ATF3: variants seen among roughly 807,000 people sequenced by gnomAD.
ATF3 encodes activating transcription factor 3, also known as cyclic AMP-dependent transcription factor ATF-3.
A neutral mutation model predicts 18.4 loss-of-function variants in ATF3; 10 were observed. The observed-to-expected ratio is 0.54, with a 90% confidence interval of 0.34 to 0.92. The LOEUF is 0.92. Among genes scored for constraint, ATF3 ranks in the 40% least tolerant of loss-of-function variants. ATF3 has a pLI of 0.02. For missense variants in ATF3, 183 were observed against 222.3 expected (o/e 0.82, Z 1.12); for synonymous variants, 78 against 87.9 (o/e 0.89, Z 0.63).
At chr1:212,615,367 C>A in intron 2 of ATF3, 106 bp downstream of exon 2, 2 of 1,386,576 alleles carry the variant, frequency 1.4e-6, no homozygotes, top group African/African-American at 1.4e-5. Context: ...GTGAAACAAA[C>A]AAAACCACTG....
chr1:212,606,161 T>C (rs981976926), upstream of ATF3, among the ~76,000 whole-genome samples: 1 of 152,194 alleles, frequency 6.6e-6, no homozygotes, highest in South Asian at 2.1e-4. Flanking sequence ...TCTGTTCTTT[T>C]CCAGTCTCTC....
At chr1:212,584,501 A>T (rs1664743122) in intron 1 of ATF3, among the ~76,000 whole-genome samples, 1 of 152,202 alleles carries the variant, frequency 6.6e-6, no homozygotes, top group Non-Finnish European at 1.5e-5. Context: ...CTGATGTCCC[A>T]GCTCAAAGGC....
upstream of ATF3, among the ~76,000 whole-genome samples, chr1:212,607,835 T>C (rs924116845): frequency 3.3e-5 from 5 of 152,176 alleles, no homozygotes; most frequent in Non-Finnish European, 5.9e-5. Flanking sequence ...TGATTCCTCC[T>C]GGACTCCGAT....
chr1:212,594,335 T>A (rs138125717), intron 1 of ATF3, among the ~76,000 whole-genome samples: 1 of 152,312 alleles, frequency 6.6e-6, no homozygotes. Flanking sequence ...GATTCATTAT[T>A]TTTCTTTTAA....
chr1:212,577,374 G>A (rs541500118), intron 1 of ATF3, among the ~76,000 whole-genome samples: 15 of 152,052 alleles, frequency 9.9e-5, no homozygotes, highest in South Asian at 8.3e-4. Context: ...GCTAATTAAC[G>A]TGTACATTAC....
chr1:212,614,942 G>A, intron 1 of ATF3, 76 bp from the exon 2 acceptor site: 4 of 1,613,124 alleles, frequency 2.5e-6, no homozygotes, highest in Non-Finnish European at 3.4e-6. Context: ...TGGTGTTGGA[G>A]GTCTGGTGGG....
At chr1:212,617,567 G>A (rs1247498454) in intron 2 of ATF3, among the ~76,000 whole-genome samples, 4 of 152,202 alleles carry the variant, frequency 2.6e-5, no homozygotes, top group Non-Finnish European at 5.9e-5. Flanking sequence ...CTTTGGTTGG[G>A]AATGGGCTTA....
At chr1:212,612,211 C>G (rs1441346666) in intron 1 of ATF3, among the ~76,000 whole-genome samples, 3 of 152,162 alleles carry the variant, frequency 2.0e-5, no homozygotes, top group Non-Finnish European at 2.9e-5. Context: ...GAAGCCCACC[C>G]AATGCTTTTC....
At chr1:212,587,219 C>T (rs17019384) in intron 1 of ATF3, among the ~76,000 whole-genome samples, 18,035 of 152,112 alleles carry the variant, frequency 0.12, 2,046 homozygotes, top group African/African-American at 0.3. Flanking sequence ...AATAATAATA[C>T]CGTGCTTAAA....
At chr1:212,596,798 G>C (rs1665003147) in intron 1 of ATF3, among the ~76,000 whole-genome samples, 1 of 152,260 alleles carries the variant, frequency 6.6e-6, no homozygotes, top group African/African-American at 2.4e-5. Context: ...GAATGCTGAA[G>C]AGATAACACT....
At chr1:212,603,540 G>A (rs567395406) in intron 1 of ATF3, among the ~76,000 whole-genome samples, 7 of 152,230 alleles carry the variant, frequency 4.6e-5, no homozygotes, top group Non-Finnish European at 1.0e-4. Flanking sequence ...AGCAATGATG[G>A]TATTTGATAT....
At chr1:212,606,917 C>A (rs111655741), upstream of ATF3, among the ~76,000 whole-genome samples, 8 of 152,202 alleles carry the variant, frequency 5.3e-5, no homozygotes, top group African/African-American at 1.4e-4. Context: ...GGGGTGAGGG[C>A]GTGGAAGCGG....
At chr1:212,578,430 A>T (rs766057585) in intron 1 of ATF3, among the ~76,000 whole-genome samples, 6 of 152,142 alleles carry the variant, frequency 3.9e-5, no homozygotes, top group Admixed American at 2.0e-4. Flanking sequence ...TCAATCTTCC[A>T]TGTCTCTTAA....
Position 212,615,044 on chromosome 1 carries a change from A to G in ATF3, c.23A>G (p.Gln8Arg), listed in dbSNP as rs554541827. Residue 8 changes from glutamine (Q) to arginine (R), a missense_variant, in exon 2 of 4, where the codon CAG becomes CGG. Transcript: ENST00000341491. ...AAAATGATGCTTCAACACCCAGGCCAGGTCTCTGCCTCGGAAGTGAGTGCT... is the reference window on the plus strand; with the variant it reads ...AAAATGATGCTTCAACACCCAGGCCGGGTCTCTGCCTCGGAAGTGAGTGCT... Reference protein sequence around the residue: MMLQHPGQVSASEVSASA... With the variant: MMLQHPGRVSASEVSASA... 6.2e-7 allele frequency: 1 copy of G among 1,614,188 alleles called. No homozygotes were observed. The highest frequency in any genetic ancestry group is 1.1e-5 in the South Asian group (1 of 91,088).
At chr1:212,611,943 T>A (rs1654910506) in intron 1 of ATF3, among the ~76,000 whole-genome samples, 1 of 152,146 alleles carries the variant, frequency 6.6e-6, no homozygotes, top group South Asian at 2.1e-4. Context: ...CCCCAAACAA[T>A]TTTTTTCAAT....
intron 1 of ATF3, among the ~76,000 whole-genome samples, chr1:212,597,419 TTATCTATCTATC>T (rs11404416): frequency 7.3e-5 from 11 of 150,848 alleles, no homozygotes; most frequent in South Asian, 2.1e-4. Flanking sequence ...TTACATCTAT[TTATCTATCTATC>T]TATCTATCTA....
intron 1 of ATF3, among the ~76,000 whole-genome samples, chr1:212,580,156 C>CAA (rs368461154): frequency 0.02 from 3,013 of 148,620 alleles, 98 homozygotes; most frequent in African/African-American, 0.069. Flanking sequence ...GACTCCGTCT[C>CAA]AAAAAAAAAG....
upstream of ATF3, among the ~76,000 whole-genome samples, chr1:212,608,333 G>T (rs1012851743): frequency 1.0e-4 from 15 of 147,822 alleles, no homozygotes; most frequent in Non-Finnish European, 2.1e-4. Flanking sequence ...CACCTTCCCC[G>T]CCCCCCCCGC....
chr1:212,603,579 G>A (rs1207365987), intron 1 of ATF3, among the ~76,000 whole-genome samples: 1 of 152,120 alleles, frequency 6.6e-6, no homozygotes, highest in Non-Finnish European at 1.5e-5. Context: ...ATTTGAATTT[G>A]TATAGCATTC....
Sources: allele counts gnomAD v4.1 joint callset (sites outside exome capture counted in the v4.1 genomes callset), GRCh38; gene constraint gnomAD v4.1.1; transcripts MANE v1.5; gene names NCBI Gene and HGNC (gene_info 2026-07-23, HGNC 2026-07-21).